MALRD1: variants seen among roughly 807,000 people sequenced by gnomAD.
The protein encoded by MALRD1 is MAM and LDL receptor class A domain containing 1.
MALRD1 carries 247 observed loss-of-function variants against 242.1 expected under a neutral mutation model. The ratio of observed to expected loss-of-function variants is 1.02; its 90% CI spans 0.92 to 1.13. The LOEUF is 1.13. Among genes scored for constraint, MALRD1 ranks in the 50% most tolerant of loss-of-function variants. The pLI, the probability that MALRD1 is intolerant of heterozygous loss-of-function variation, is 0.00. For synonymous variants in MALRD1, 995 were observed against 866.6 expected, an observed-to-expected ratio of 1.15 and a Z score of -2.60; for missense variants, 2,989 against 2,533.1, an observed-to-expected ratio of 1.18 and a Z score of -3.86.
intron 18 of MALRD1, among the ~76,000 whole-genome samples, chr10:19,226,479 G>T (rs551731051): frequency 9.9e-4 from 151 of 152,202 alleles, no homozygotes; most frequent in African/African-American, 3.3e-3. Flanking sequence ...TATTAAATAA[G>T]TGGAAATATA....
intron 38 of MALRD1, among the ~76,000 whole-genome samples, chr10:19,696,723 A>T (rs1424182340): frequency 6.6e-6 from 1 of 151,910 alleles, no homozygotes. Context: ...CCTGGCCAAC[A>T]TGAGGAAACC....
chr10:19,671,949 T>C (rs1294277369), intron 36 of MALRD1, among the ~76,000 whole-genome samples: 1 of 152,052 alleles, frequency 6.6e-6, no homozygotes, highest in East Asian at 1.9e-4. Context: ...TCATTTTTTC[T>C]TTTTTCCAAT....
At chr10:19,162,627 C>G (rs1435585536) in intron 12 of MALRD1, among the ~76,000 whole-genome samples, 1 of 152,082 alleles carries the variant, frequency 6.6e-6, no homozygotes, top group Admixed American at 6.6e-5. Flanking sequence ...TCATCTCACA[C>G]CAGTCAGAAT....
intron 1 of MALRD1, among the ~76,000 whole-genome samples, chr10:19,053,330 A>AT (rs1834564495): frequency 6.6e-6 from 1 of 152,172 alleles, no homozygotes; most frequent in African/African-American, 2.4e-5. Flanking sequence ...CATCCTTGCA[A>AT]TCCATTGGGG....
intron 1 of MALRD1, among the ~76,000 whole-genome samples, chr10:19,049,650 G>C (rs1359944833): frequency 6.6e-6 from 1 of 152,150 alleles, no homozygotes; most frequent in Non-Finnish European, 1.5e-5. Context: ...TAGTAGAAGG[G>C]CACAAGCTTC....
chr10:19,653,636 T>C (rs1019438102), intron 36 of MALRD1, among the ~76,000 whole-genome samples: 3 of 152,200 alleles, frequency 2.0e-5, no homozygotes, highest in Non-Finnish European at 2.9e-5. Context: ...GGAGACTTTG[T>C]TTCTTACCTC....
intron 11 of MALRD1, among the ~76,000 whole-genome samples, chr10:19,147,488 T>C (rs1170265812): frequency 6.6e-6 from 1 of 152,228 alleles, no homozygotes; most frequent in African/African-American, 2.4e-5. Context: ...GTTTAAAGTT[T>C]AAAATAGAAA....
intron 36 of MALRD1, among the ~76,000 whole-genome samples, chr10:19,626,900 T>G (rs1483582510): frequency 6.6e-6 from 1 of 152,040 alleles, no homozygotes; most frequent in African/African-American, 2.4e-5. Flanking sequence ...GAAAAATAAA[T>G]AAAACTTAAA....
chr10:19,236,404 A>G (rs941032245), intron 18 of MALRD1, among the ~76,000 whole-genome samples: 2 of 152,138 alleles, frequency 1.3e-5, no homozygotes, highest in Admixed American at 1.3e-4. Context: ...GCAACCTGTG[A>G]CCACTCAAAA....
chr10:19,605,661 T>G (rs909193120), intron 34 of MALRD1, among the ~76,000 whole-genome samples: 1 of 152,026 alleles, frequency 6.6e-6, no homozygotes, highest in Non-Finnish European at 1.5e-5. Flanking sequence ...TTAAATATAT[T>G]TCAATATTCT....
chr10:19,732,479 T>C (rs1835337083), intron 39 of MALRD1, among the ~76,000 whole-genome samples: 1 of 152,132 alleles, frequency 6.6e-6, no homozygotes, highest in Non-Finnish European at 1.5e-5. Context: ...GCCAGGCTGA[T>C]CTCAAACTCC....
intron 13 of MALRD1, among the ~76,000 whole-genome samples, chr10:19,169,388 T>C (rs1180967545): frequency 1.3e-5 from 2 of 152,222 alleles, no homozygotes; most frequent in East Asian, 3.9e-4. Context: ...CATGGTAATA[T>C]TTAATACATG....
intron 5 of MALRD1, among the ~76,000 whole-genome samples, chr10:19,116,852 G>T (rs1325867416): frequency 6.6e-6 from 1 of 152,122 alleles, no homozygotes; most frequent in Non-Finnish European, 1.5e-5. Context: ...ACTTTGGGAG[G>T]CTGAGGTGGG....
intron 12 of MALRD1, among the ~76,000 whole-genome samples, chr10:19,161,564 A>AG (rs1371133107): frequency 2.0e-5 from 3 of 147,546 alleles, no homozygotes; most frequent in Non-Finnish European, 4.5e-5. Context: ...AAAAAAAAAA[A>AG]AAAGAAAATT....
At position 19,068,623 on chromosome 10, in the gene MALRD1, C is replaced by T. The variant is rs116409929; in HGVS notation, c.340+1764C>T. Among the ~76,000 whole-genome samples, 205 of 152,182 alleles carry T rather than the reference C, an allele frequency of 1.3e-3. 1 individual carries two copies. Among genetic ancestry groups the T allele is most frequent in the African/African-American group, 4.6e-3 (190 of 41,560 alleles). On this transcript the variant is annotated intron_variant, in intron 2 of 39. Transcript: ENST00000454679. Reference sequence around the variant, plus strand: ...AATAGTCATGCATCTCTTACAAATACAATTGAATGTTAACATGTAAGTAGT... The same window carrying T: ...AATAGTCATGCATCTCTTACAAATATAATTGAATGTTAACATGTAAGTAGT...
chr10:19,516,878 C>T (rs1160422630), intron 31 of MALRD1, among the ~76,000 whole-genome samples: 1 of 152,062 alleles, frequency 6.6e-6, no homozygotes, highest in Non-Finnish European at 1.5e-5. Flanking sequence ...TAAATTTTTA[C>T]ATCTTAAAGT....
chr10:19,619,221 G>C (rs1412717438), intron 36 of MALRD1, among the ~76,000 whole-genome samples: 1 of 151,966 alleles, frequency 6.6e-6, no homozygotes, highest in South Asian at 2.1e-4. Flanking sequence ...TTTGCCCAGA[G>C]GATGCCTTTT....
chr10:19,401,151 G>C (rs576132921), intron 28 of MALRD1, among the ~76,000 whole-genome samples: 1 of 152,238 alleles, frequency 6.6e-6, no homozygotes, highest in South Asian at 2.1e-4. Context: ...TAGTAATTAA[G>C]GATATGATAT....
chr10:19,345,032 C>T (rs1372636670), intron 24 of MALRD1, among the ~76,000 whole-genome samples: 1 of 152,066 alleles, frequency 6.6e-6, no homozygotes, highest in African/African-American at 2.4e-5. Flanking sequence ...CTATGTGCTC[C>T]TTTTATTACC....
Sources: allele counts gnomAD v4.1 joint callset (sites outside exome capture counted in the v4.1 genomes callset), GRCh38; gene constraint gnomAD v4.1.1; transcripts MANE v1.5; gene names NCBI Gene and HGNC (gene_info 2026-07-23, HGNC 2026-07-21).